The following ADAM18 variants were observed in gnomAD, a reference collection of about 807,000 sequenced individuals.
ADAM18 encodes the protein ADAM metallopeptidase domain 18.
Under a neutral mutation model 94.4 loss-of-function variants are expected in ADAM18, and 117 were observed. That is an observed-to-expected ratio of 1.24 (90% confidence interval 1.07 to 1.45). The LOEUF is 1.45. ADAM18 is among the 40% of genes most tolerant of loss of function. The probability of loss-of-function intolerance (pLI) is 0.00; values close to 1 mark genes in which losing one functional copy is unlikely to be tolerated. For missense variants in ADAM18, 936 were observed against 880.0 expected, an observed-to-expected ratio of 1.06 and a Z score of -0.81; for synonymous variants, 327 against 291.6, an observed-to-expected ratio of 1.12 and a Z score of -1.24.
chr8:39,661,664 T>C (rs1306609985), intron 12 of ADAM18, among the ~76,000 whole-genome samples: 1 of 152,028 alleles, frequency 6.6e-6, no homozygotes, highest in African/African-American at 2.4e-5. Flanking sequence ...ATTTTATTGC[T>C]AATTTTAAGG....
rs141025754 is a variant in ADAM18, at chr8:39,714,219, C to T, written c.2017+7315C>T. 6.4e-3 allele frequency among the ~76,000 whole-genome samples: 971 copies of T among 152,226 alleles called. 15 individuals carry two copies. The highest frequency in any genetic ancestry group is 0.022 in the African/African-American group (922 of 41,522). On this transcript the variant is annotated intron_variant, in intron 18 of 19. Transcript: ENST00000265707. ...AAACCAAGCACTGCATGTTCTCACT[C>T]ATAGGTGGGAAGTGAACAATGAGAT...
At chr8:39,655,321 A>C (rs1428730272) in intron 12 of ADAM18, among the ~76,000 whole-genome samples, 2 of 152,148 alleles carry the variant, frequency 1.3e-5, no homozygotes, top group African/African-American at 4.8e-5. Context: ...ATATATCCAT[A>C]TTTCTCATGA....
rs759925083 is a variant in ADAM18, at chr8:39,723,917, A to G, written c.2177+10A>G. The stretch of plus-strand genomic sequence containing the variant: ...ATGCAGAGTATAATCGGTAAATATG[A>G]TATAGAATCAATGTATTAGGTTTAA... On this transcript the variant is annotated intron_variant, in intron 19 of 19. Coordinates refer to ENST00000265707, the MANE Select transcript of ADAM18 (RefSeq NM_014237.3). The G allele has an allele frequency of 1.4e-6, 2 of 1,434,436 alleles. No individual in the cohort carries two copies. Among genetic ancestry groups the G allele is most frequent in the Admixed American group, 4.5e-5 (2 of 44,548 alleles). 88.9% of individuals were successfully genotyped at this position (1,434,436 alleles called of 1,614,324 possible).
intron 10 of ADAM18, among the ~76,000 whole-genome samples, chr8:39,641,065 T>A (rs1187340961): frequency 6.6e-6 from 1 of 152,154 alleles, no homozygotes; most frequent in East Asian, 1.9e-4. Flanking sequence ...TTTGGCATCT[T>A]TTTCATGAAA....
intron 19 of ADAM18, among the ~76,000 whole-genome samples, chr8:39,727,458 C>A (rs1295517215): frequency 6.6e-6 from 1 of 152,156 alleles, no homozygotes; most frequent in Non-Finnish European, 1.5e-5. Context: ...TAGAAGCAGC[C>A]AGGCAACATC....
intron 7 of ADAM18, among the ~76,000 whole-genome samples, chr8:39,630,844 G>A (rs180990765): frequency 2.3e-3 from 343 of 151,994 alleles, no homozygotes; most frequent in Non-Finnish European, 3.8e-3. Flanking sequence ...TATTCTATCA[G>A]CATTGTATGA....
At chr8:39,657,768 TATATTGGAA>T (rs1272336071) in intron 12 of ADAM18, among the ~76,000 whole-genome samples, 6 of 152,146 alleles carry the variant, frequency 3.9e-5, no homozygotes, top group African/African-American at 1.4e-4. Flanking sequence ...TAAAAAGTAA[TATATTGGAA>T]ATTGTATTTT....
chr8:39,611,464 A>G, intron 6 of ADAM18: 1 of 985,030 alleles, frequency 1.0e-6, no homozygotes, highest in African/African-American at 1.7e-5. Flanking sequence ...AACTATCTGT[A>G]TGGTTCCTAG....
rs536465774 is a variant in ADAM18 at position 39,658,054 on chromosome 8, G to C, written c.1231-5741G>C. The stretch of plus-strand genomic sequence containing the variant: ...ATCAAAACACATAGGGAATTGTTTC[G>C]GGAATCTTTGAGCTGAGATTACCAA... On this transcript the variant is annotated intron_variant, in intron 12 of 19. Transcript: ENST00000265707. Among the ~76,000 whole-genome samples, 17 of 152,150 alleles carry C rather than the reference G, an allele frequency of 1.1e-4. No homozygotes were observed. The East Asian group carries it at 1.7e-3, about 16-fold the overall frequency.
At chr8:39,620,100 T>C (rs573038214) in intron 6 of ADAM18, among the ~76,000 whole-genome samples, 39 of 151,940 alleles carry the variant, frequency 2.6e-4, no homozygotes, top group African/African-American at 8.4e-4. Context: ...TTTGACAATG[T>C]TGCCAAGAAC....
intron 18 of ADAM18, among the ~76,000 whole-genome samples, chr8:39,709,334 T>C (rs543490284): frequency 8.5e-5 from 13 of 152,294 alleles, no homozygotes; most frequent in Admixed American, 6.5e-4. Context: ...TGTCAAGCCA[T>C]AGTCCCTGAC....
intron 14 of ADAM18, among the ~76,000 whole-genome samples, chr8:39,675,893 AGGTCTGTT>A (rs1821287666): frequency 6.6e-6 from 1 of 152,202 alleles, no homozygotes; most frequent in African/African-American, 2.4e-5. Context: ...CCTCAGCTGC[AGGTCTGTT>A]GGAATTTGTG....
rs1822645210 is a variant in ADAM18 at position 39,718,564 on chromosome 8, T to C, written c.2018-5184T>C. Among the ~76,000 whole-genome samples the C allele has an allele frequency of 2.0e-5, 3 of 151,236 alleles. No individual in the cohort carries two copies. In the South Asian group the frequency reaches 6.2e-4, roughly 31 times the overall value. On this transcript the variant is annotated intron_variant, in intron 18 of 19. Coordinates refer to ENST00000265707, the MANE Select transcript of ADAM18 (RefSeq NM_014237.3). ...TTGTTGGGGTGGTAGTATGATGGGG[T>C]GGAAAATTACAAATTAATGGGCATA...
chr8:39,585,280 T>A lies in ADAM18; in HGVS notation c.60T>A (p.Ser20=), dbSNP rs745655021. ...ELGRLQAHEG[S]EGIFLHVTVP... ...AAACACATTTTCTTACTGCAGGTTC[T>A]GAAGGAATATTTCTGCATGTCACAG... is the stretch of plus-strand genomic sequence containing the variant. The change falls in exon 2 of 20, where the codon TCT becomes TCA. Residue 20 remains serine (S), a synonymous_variant. Transcript: ENST00000265707. The A allele has an allele frequency of 6.2e-7, 1 of 1,611,554 alleles. No homozygotes were observed. Among genetic ancestry groups the A allele is most frequent in the Non-Finnish European group, 8.5e-7 (1 of 1,178,988 alleles).
Position 39,610,660 on chromosome 8 carries a change from A to C in ADAM18, c.476A>C (p.His159Pro). 1 of 1,613,412 alleles carries C rather than the reference A, an allele frequency of 6.2e-7. No individual in the cohort carries two copies. The highest frequency in any genetic ancestry group is 1.3e-5 in the African/African-American group (1 of 75,030). Reference sequence around the variant, plus strand: ...TCCATTTTAGCAGTAAATTACAGTCATATTTGGCAGAAAGACCAGCCCTAC... The same window carrying C: ...TCCATTTTAGCAGTAAATTACAGTCCTATTTGGCAGAAAGACCAGCCCTAC... The part of the protein sequence containing the change: ...NVSILAVNYS[H>P]IWQKDQPYKV... Residue 159 changes from histidine (H) to proline (P), a missense_variant, in exon 6 of 20, where the codon CAT becomes CCT. Transcript: ENST00000265707.
At chr8:39,604,925 A>G (rs895534025) in intron 2 of ADAM18, among the ~76,000 whole-genome samples, 2 of 150,360 alleles carry the variant, frequency 1.3e-5, no homozygotes, top group East Asian at 3.9e-4. Context: ...AGTTAGATAG[A>G]TTTTTATTGT....
intron 14 of ADAM18, among the ~76,000 whole-genome samples, chr8:39,674,810 C>T (rs1262404086): frequency 6.6e-6 from 1 of 152,192 alleles, no homozygotes; most frequent in Non-Finnish European, 1.5e-5. Flanking sequence ...TCCTGTAAGG[C>T]AGGCCTGGTG....
rs1487496574 is a variant in ADAM18 at position 39,680,136 on chromosome 8, A to G, written c.1731A>G (p.Val577=). Residue 577 remains valine (V), a synonymous_variant, in exon 16 of 20, where the codon GTA becomes GTG. Transcript: ENST00000265707. ...STVYSYIQDH[V]CVSIATGSSM... is the part of the protein sequence containing the mutation. Reference sequence around the variant, plus strand: ...TTTATTCATATATTCAAGACCATGTATGTGTATCTATAGCCACTGGTTCCT... The same window carrying G: ...TTTATTCATATATTCAAGACCATGTGTGTGTATCTATAGCCACTGGTTCCT... The G allele has an allele frequency of 6.2e-7, 1 of 1,613,888 alleles. No individual in the cohort carries two copies. Among genetic ancestry groups the G allele is most frequent in the Non-Finnish European group, 8.5e-7 (1 of 1,179,868 alleles).
chr8:39,716,075 A>T (rs971686121), intron 18 of ADAM18, among the ~76,000 whole-genome samples: 1 of 151,738 alleles, frequency 6.6e-6, no homozygotes, highest in Non-Finnish European at 1.5e-5. Context: ...GATTTTATTT[A>T]TTTGCATTTT....
Sources: allele counts gnomAD v4.1 joint callset (sites outside exome capture counted in the v4.1 genomes callset), GRCh38; gene constraint gnomAD v4.1.1; transcripts MANE v1.5; gene names NCBI Gene and HGNC (gene_info 2026-07-23, HGNC 2026-07-21).